ASTN2: variants seen among roughly 807,000 people sequenced by gnomAD.
ASTN2 encodes the protein astrotactin 2.
ASTN2 carries 54 observed loss-of-function variants against 139.8 expected under a neutral mutation model. The ratio of observed to expected loss-of-function variants is 0.39; its 90% confidence interval spans 0.31 to 0.48. The LOEUF (loss-of-function observed/expected upper bound fraction) is 0.48, where lower values mean the gene tolerates loss of function less well. Among genes scored for constraint, ASTN2 ranks in the 20% least tolerant of loss-of-function variants. ASTN2 has a pLI of 0.95. For synonymous variants in ASTN2, 756 were observed against 719.5 expected (o/e 1.05, Z -0.81); for missense variants, 1,565 against 1,725.1 (o/e 0.91, Z 1.64).
At chr9:116,601,025 G>T (rs1854869850) in intron 19 of ASTN2, among the ~76,000 whole-genome samples, 2 of 152,176 alleles carry the variant, frequency 1.3e-5, no homozygotes, top group Non-Finnish European at 2.9e-5. Context: ...AAAGGCAAAT[G>T]CTACATTCCT....
At chr9:117,316,813 T>A (rs940161045) in intron 1 of ASTN2, among the ~76,000 whole-genome samples, 1 of 152,158 alleles carries the variant, frequency 6.6e-6, no homozygotes, top group Non-Finnish European at 1.5e-5. Context: ...AGACAGCTTA[T>A]AGATATCTCG....
chr9:116,855,221 A>C (rs955090127), intron 11 of ASTN2, among the ~76,000 whole-genome samples: 2 of 152,158 alleles, frequency 1.3e-5, no homozygotes, highest in Non-Finnish European at 2.9e-5. Flanking sequence ...AATGCCACAC[A>C]CAATAATCTT....
At chr9:116,587,246 C>A (rs1391074049) in intron 19 of ASTN2, among the ~76,000 whole-genome samples, 2 of 149,966 alleles carry the variant, frequency 1.3e-5, no homozygotes, top group Non-Finnish European at 2.9e-5. Context: ...GAGGCTGAGG[C>A]AGGAGAATTG....
At chr9:116,560,922 C>T (rs1052771640) in intron 19 of ASTN2, among the ~76,000 whole-genome samples, 2 of 152,104 alleles carry the variant, frequency 1.3e-5, no homozygotes, top group African/African-American at 4.8e-5. Context: ...TGGTATTTGG[C>T]AAAGCAGCCA....
At chr9:116,857,036 G>C (rs1190606900) in intron 11 of ASTN2, among the ~76,000 whole-genome samples, 2 of 152,036 alleles carry the variant, frequency 1.3e-5, no homozygotes, top group Non-Finnish European at 2.9e-5. Flanking sequence ...ACATATCCCA[G>C]TTTCCTACCA....
chr9:116,506,944 T>G (rs898217855), intron 19 of ASTN2, among the ~76,000 whole-genome samples: 1 of 152,128 alleles, frequency 6.6e-6, no homozygotes, highest in African/African-American at 2.4e-5. Context: ...CTCATCTATT[T>G]AAAGAATTCT....
intron 3 of ASTN2, among the ~76,000 whole-genome samples, chr9:117,162,126 T>C (rs772415946): frequency 2.0e-5 from 3 of 152,014 alleles, no homozygotes; most frequent in Non-Finnish European, 2.9e-5. Context: ...GAAAAGCAGA[T>C]AGATAAGAAC....
intron 10 of ASTN2, among the ~76,000 whole-genome samples, chr9:116,887,920 G>A (rs548454966): frequency 2.0e-5 from 3 of 152,156 alleles, no homozygotes; most frequent in East Asian, 1.9e-4. Flanking sequence ...CACCTACCTC[G>A]GTTTCTCAAA....
chr9:116,728,595 G>C (rs972736480), intron 15 of ASTN2, among the ~76,000 whole-genome samples: 9 of 152,088 alleles, frequency 5.9e-5, no homozygotes, highest in African/African-American at 2.2e-4. Context: ...AAATTAGCCA[G>C]GAGAGAAAGA....
chr9:117,229,834 A>G (rs914583559), intron 2 of ASTN2, among the ~76,000 whole-genome samples: 16 of 152,106 alleles, frequency 1.1e-4, no homozygotes, highest in African/African-American at 3.9e-4. Flanking sequence ...TGGTATTGGG[A>G]CCACTTCAGA....
intron 19 of ASTN2, among the ~76,000 whole-genome samples, chr9:116,597,308 T>TTTTTTTTTTG (rs1854636645): frequency 7.1e-6 from 1 of 140,298 alleles, no homozygotes; most frequent in Non-Finnish European, 1.5e-5. Context: ...TATTTTTTTT[T>TTTTTTTTTTG]TTTTTTTTTT....
intron 12 of ASTN2, among the ~76,000 whole-genome samples, chr9:116,818,187 G>A (rs978368269): frequency 4.6e-5 from 7 of 152,186 alleles, no homozygotes; most frequent in African/African-American, 1.4e-4. Flanking sequence ...GTAAATGTTA[G>A]CTGCTATTAT....
At chr9:117,066,429 T>C (rs1366423610) in intron 5 of ASTN2, among the ~76,000 whole-genome samples, 1 of 148,056 alleles carries the variant, frequency 6.8e-6, no homozygotes, top group Non-Finnish European at 1.5e-5. Flanking sequence ...TGTTGGACAT[T>C]TGGGTTGGTT....
intron 10 of ASTN2, among the ~76,000 whole-genome samples, chr9:116,967,995 C>T (rs893009637): frequency 1.3e-5 from 2 of 152,202 alleles, no homozygotes; most frequent in African/African-American, 4.8e-5. Flanking sequence ...TACTACAATT[C>T]TACAATTCCT....
rs188965211 is a variant in ASTN2, at chr9:116,759,286, A to C, written c.2397-25763T>G. On this transcript the variant is annotated intron_variant, in intron 13 of 22. Transcript: ENST00000313400. ...TTCAGAAGAAAAGTATGTGTGAGAAATGATTTCCTAGACCTTTAGCCCTAT... is the reference window on the plus strand; with the variant it reads ...TTCAGAAGAAAAGTATGTGTGAGAACTGATTTCCTAGACCTTTAGCCCTAT... Among the ~76,000 whole-genome samples the C allele has an allele frequency of 3.3e-5, 5 of 152,334 alleles. No individual in the cohort carries two copies. In the East Asian group the frequency reaches 9.6e-4, roughly 29 times the overall value.
chr9:116,735,273 T>G (rs1451699920), intron 13 of ASTN2, among the ~76,000 whole-genome samples: 2 of 152,170 alleles, frequency 1.3e-5, no homozygotes, highest in Non-Finnish European at 2.9e-5. Flanking sequence ...CCTGTGATAA[T>G]GGGTTCTACC....
chr9:116,971,121 C>T (rs1407037965), intron 10 of ASTN2, among the ~76,000 whole-genome samples: 1 of 152,140 alleles, frequency 6.6e-6, no homozygotes, highest in Non-Finnish European at 1.5e-5. Flanking sequence ...ATCTGGTACA[C>T]AGGAGGGATC....
intron 9 of ASTN2, among the ~76,000 whole-genome samples, chr9:116,975,627 C>T (rs952632254): frequency 2.6e-5 from 4 of 152,180 alleles, no homozygotes; most frequent in African/African-American, 7.2e-5. Flanking sequence ...CTCTGATTTT[C>T]CAGCAGTCCT....
chr9:117,313,340 A>G (rs557658230), intron 1 of ASTN2, among the ~76,000 whole-genome samples: 66 of 152,264 alleles, frequency 4.3e-4, no homozygotes, highest in Admixed American at 7.8e-4. Flanking sequence ...GCAGCCAGAG[A>G]CAGGGAGGAG....
Sources: gnomAD v4.1 joint callset for allele counts (sites outside exome capture counted in the v4.1 genomes callset) on GRCh38, gnomAD v4.1.1 for gene constraint, MANE v1.5 for transcripts, NCBI Gene and HGNC (gene_info 2026-07-23, HGNC 2026-07-21) for gene names.